Variants in TAOK3 observed in about 807,000 individuals in gnomAD.
The protein encoded by TAOK3 is TAO kinase 3, also known as serine/threonine-protein kinase TAO3.
TAOK3 carries 40 observed loss-of-function variants against 120.4 expected under a neutral mutation model. The observed-to-expected ratio is 0.33, with a 90% CI of 0.26 to 0.43. The LOEUF (loss-of-function observed/expected upper bound fraction) is 0.43. Ranked by LOEUF, TAOK3 falls within the 20% of genes least tolerant of loss-of-function variation. The pLI is 1.00. For synonymous variants in TAOK3, 355 were observed against 387.5 expected (o/e 0.92, Z 0.99); for missense variants, 821 against 1,112.1 (o/e 0.74, Z 3.72).
intron 1 of TAOK3, among the ~76,000 whole-genome samples, chr12:118,317,303 T>G (rs1178167305): frequency 6.7e-6 from 1 of 150,022 alleles, no homozygotes; most frequent in Non-Finnish European, 1.5e-5. Flanking sequence ...GGAGAATTTT[T>G]TTTTTTTTTT....
At chr12:118,209,389 C>T (rs1462673068) in intron 11 of TAOK3, among the ~76,000 whole-genome samples, 5 of 152,050 alleles carry the variant, frequency 3.3e-5, no homozygotes, top group Non-Finnish European at 7.4e-5. Context: ...AGGGAGATTT[C>T]TTTTTCATGT....
At chr12:118,349,721 AT>A (rs1452196515) in intron 1 of TAOK3, among the ~76,000 whole-genome samples, 1 of 152,240 alleles carries the variant, frequency 6.6e-6, no homozygotes, top group African/African-American at 2.4e-5. Flanking sequence ...AAAAACCTGA[AT>A]TTCATAATTT....
chr12:118,303,538 C>T (rs914141498), intron 1 of TAOK3, among the ~76,000 whole-genome samples: 1 of 152,198 alleles, frequency 6.6e-6, no homozygotes, highest in African/African-American at 2.4e-5. Context: ...GCCATGTTAA[C>T]GTCCATTTAC....
At chr12:118,363,757 A>T (rs2221368) in intron 1 of TAOK3, among the ~76,000 whole-genome samples, 24,853 of 134,922 alleles carry the variant, frequency 0.18, 1,959 homozygotes, top group East Asian at 0.26. Context: ...TGTGTGTGTG[A>T]GAGAGAGAGA....
intron 9 of TAOK3, among the ~76,000 whole-genome samples, chr12:118,227,606 T>C (rs1297763279): frequency 6.6e-6 from 1 of 152,186 alleles, no homozygotes; most frequent in Non-Finnish European, 1.5e-5. Context: ...CCTGTAAATA[T>C]CTATGATATA....
chr12:118,324,343 A>G (rs1028917966), intron 1 of TAOK3, among the ~76,000 whole-genome samples: 1 of 152,198 alleles, frequency 6.6e-6, no homozygotes, highest in African/African-American at 2.4e-5. Flanking sequence ...GAAATATACA[A>G]TATAGATACA....
At chr12:118,301,547 C>T (rs189434859) in intron 1 of TAOK3, among the ~76,000 whole-genome samples, 1 of 152,034 alleles carries the variant, frequency 6.6e-6, no homozygotes, top group East Asian at 1.9e-4. Context: ...AAGTAATGGT[C>T]AAAATATTCA....
At chr12:118,289,645 T>C (rs2042399767) in intron 1 of TAOK3, among the ~76,000 whole-genome samples, 4 of 152,178 alleles carry the variant, frequency 2.6e-5, no homozygotes, top group Admixed American at 2.6e-4. Flanking sequence ...TACTTCCCTG[T>C]TTAGATATTT....
chr12:118,172,675 C>T lies in TAOK3; in HGVS notation c.1696-15G>A. On this transcript the variant is annotated splice_polypyrimidine_tract_variant and intron_variant, in intron 16 of 20. Coordinates refer to ENST00000392533, the MANE Select transcript of TAOK3 (RefSeq NM_016281.4). ...TCATTCATTTCCTAAAAAGAACAGA[C>T]AAAAACCAAGCCAGCCTTACTAAAT... 6.2e-7 allele frequency: 1 copy of T among 1,610,580 alleles called. No homozygotes were observed. The highest frequency in any genetic ancestry group is 8.5e-7 in the Non-Finnish European group (1 of 1,177,356).
chr12:118,351,404 A>G (rs7974361), intron 1 of TAOK3, among the ~76,000 whole-genome samples: 10,370 of 152,148 alleles, frequency 0.068, 863 homozygotes, highest in African/African-American at 0.19. Context: ...TGACCCGAGT[A>G]GATGCTCAGT....
At chr12:118,168,433 T>C (rs1439985351) in intron 17 of TAOK3, among the ~76,000 whole-genome samples, 1 of 152,248 alleles carries the variant, frequency 6.6e-6, no homozygotes, top group Non-Finnish European at 1.5e-5. Context: ...TTTCACAATG[T>C]ATACATATAT....
chr12:118,269,153 CTT>C (rs777655507), intron 1 of TAOK3, among the ~76,000 whole-genome samples: 5 of 151,410 alleles, frequency 3.3e-5, no homozygotes, highest in African/African-American at 1.2e-4. Context: ...TCTTCTCTCT[CTT>C]TCTTTCTTTC....
At position 118,160,948 on chromosome 12, in the gene TAOK3, A is replaced by G. The variant is rs2035179405; in HGVS notation, c.2140-590T>C. 6.6e-6 allele frequency among the ~76,000 whole-genome samples: 1 copy of G among 152,186 alleles called. No homozygotes were observed. The highest frequency in any genetic ancestry group is 2.4e-5 in the African/African-American group (1 of 41,440). On this transcript the variant is annotated intron_variant, in intron 18 of 20. Coordinates refer to ENST00000392533, the MANE Select transcript of TAOK3 (RefSeq NM_016281.4). The surrounding 1 kb of genome is among the most constrained non-coding windows in gnomAD (Gnocchi z 4.2). ...AAAGTGATTTAGAATTTTTTTCCCC[A>G]TTAAGAGGTTGTGCTTGCATGTAGC...
At chr12:118,352,201 G>A (rs560665593) in intron 1 of TAOK3, among the ~76,000 whole-genome samples, 2 of 151,560 alleles carry the variant, frequency 1.3e-5, no homozygotes, top group South Asian at 4.2e-4. Flanking sequence ...ATGGAAAGCT[G>A]TTATTATCAA....
intron 5 of TAOK3, among the ~76,000 whole-genome samples, chr12:118,242,985 C>T (rs146452110): frequency 2.0e-5 from 3 of 151,868 alleles, no homozygotes; most frequent in African/African-American, 7.2e-5. Context: ...GAACAAAAGT[C>T]TCTTATTTTA....
At chr12:118,299,358 T>A (rs2042793405) in intron 1 of TAOK3, among the ~76,000 whole-genome samples, 1 of 152,100 alleles carries the variant, frequency 6.6e-6, no homozygotes, top group African/African-American at 2.4e-5. Context: ...TGAGTTCAAA[T>A]ATAGTACTTT....
At chr12:118,251,885 A>C (rs957890797) in intron 3 of TAOK3, among the ~76,000 whole-genome samples, 10 of 151,298 alleles carry the variant, frequency 6.6e-5, no homozygotes, top group African/African-American at 2.4e-4. Context: ...GCAGTGGCAC[A>C]ATCTCAGCTC....
At chr12:118,288,915 C>CAAAAAAAAAAAAAA (rs34740967) in intron 1 of TAOK3, among the ~76,000 whole-genome samples, 8 of 94,168 alleles carry the variant, frequency 8.5e-5, no homozygotes, top group South Asian at 3.8e-4. Context: ...GACTCTATCT[C>CAAAAAAAAAAAAAA]AAAAAAAAAA....
intron 6 of TAOK3, 115 bp downstream of exon 6, chr12:118,239,112 C>G: frequency 1.4e-6 from 1 of 709,822 alleles, no homozygotes; most frequent in Non-Finnish European, 2.5e-6. Flanking sequence ...TCCACACCAC[C>G]CTAAAGCTCA....
Sources: gnomAD v4.1 joint callset for allele counts (sites outside exome capture counted in the v4.1 genomes callset) on GRCh38, gnomAD v4.1.1 for gene constraint, Gnocchi (gnomAD v3.1) non-coding constraint, MANE v1.5 for transcripts, NCBI Gene and HGNC (gene_info 2026-07-23, HGNC 2026-07-21) for gene names.